CTNNA3: variants seen among roughly 807,000 people sequenced by gnomAD.
The protein encoded by CTNNA3 is catenin alpha 3, also known as catenin alpha-3.
In CTNNA3, 76 loss-of-function variants were observed where a neutral mutation model predicts 95.7. The observed-to-expected ratio is 0.79, with a 90% CI of 0.66 to 0.96. The LOEUF is 0.96. Ranked by LOEUF, CTNNA3 falls within the 40% of genes least tolerant of loss-of-function variation. The probability of loss-of-function intolerance (pLI) is 0.00; values close to 1 mark genes in which losing one functional copy is unlikely to be tolerated. For synonymous variants in CTNNA3, 431 were observed against 374.4 expected, an observed-to-expected ratio of 1.15 and a Z score of -1.74; for missense variants, 1,191 against 1,089.8, an observed-to-expected ratio of 1.09 and a Z score of -1.31.
At chr10:67,537,464 T>C (rs1840521782) in intron 4 of CTNNA3, among the ~76,000 whole-genome samples, 1 of 152,200 alleles carries the variant, frequency 6.6e-6, no homozygotes, top group Non-Finnish European at 1.5e-5. Flanking sequence ...ACTATAATTT[T>C]TACTGCAAGA....
intron 1 of CTNNA3, among the ~76,000 whole-genome samples, chr10:67,724,355 A>G (rs1364630734): frequency 6.6e-6 from 1 of 152,164 alleles, no homozygotes; most frequent in Admixed American, 6.5e-5. Flanking sequence ...ATCTCTCTAG[A>G]GTGGATTAGA....
At chr10:66,337,576 A>T (rs2092410784) in intron 12 of CTNNA3, among the ~76,000 whole-genome samples, 1 of 151,860 alleles carries the variant, frequency 6.6e-6, no homozygotes, top group Non-Finnish European at 1.5e-5. Context: ...TTCAAACTTC[A>T]GATTCTTAAT....
intron 14 of CTNNA3, among the ~76,000 whole-genome samples, chr10:66,081,139 T>C (rs751624498): frequency 6.6e-6 from 1 of 152,146 alleles, no homozygotes; most frequent in Non-Finnish European, 1.5e-5. Context: ...GAACCTGAGA[T>C]CTAGGGCAAT....
chr10:67,090,886 G>A (rs1296058415), intron 7 of CTNNA3, among the ~76,000 whole-genome samples: 1 of 152,016 alleles, frequency 6.6e-6, no homozygotes, highest in Non-Finnish European at 1.5e-5. Context: ...CCAAGCTGCA[G>A]TGTGATAATT....
chr10:66,926,842 A>C, intron 7 of CTNNA3: 3 of 1,266,630 alleles, frequency 2.4e-6, no homozygotes, highest in Non-Finnish European at 3.2e-6. Flanking sequence ...AAAAATGAAA[A>C]ATATATGCCT....
chr10:67,100,305 C>T (rs57324361), intron 7 of CTNNA3, among the ~76,000 whole-genome samples: 176 of 151,726 alleles, frequency 1.2e-3, no homozygotes, highest in African/African-American at 3.9e-3. Context: ...ACACCAAATA[C>T]GCCAGGAATT....
rs182813097 is a variant in CTNNA3, at chr10:67,675,383, C to G, written c.-6+20617G>C. On this transcript the variant is annotated intron_variant, in intron 1 of 17. Coordinates refer to ENST00000433211, the MANE Select transcript of CTNNA3 (RefSeq NM_013266.4). ...AAAGATTGGCTAATTCAGAATGGAC[C>G]TGGCTTAGCTTGCCCCAGGCTATAG... Among the ~76,000 whole-genome samples, 272 of 152,238 alleles carry G rather than the reference C, an allele frequency of 1.8e-3. 1 individual carries two copies. The highest frequency in any genetic ancestry group is 6.3e-3 in the African/African-American group (260 of 41,562).
At chr10:67,179,827 T>A (rs1862424276) in intron 7 of CTNNA3, among the ~76,000 whole-genome samples, 1 of 151,998 alleles carries the variant, frequency 6.6e-6, no homozygotes, top group African/African-American at 2.4e-5. Flanking sequence ...ACCCTGTCTA[T>A]CTCCATAAAA....
At chr10:67,722,634 A>G (rs1038172558) in intron 1 of CTNNA3, among the ~76,000 whole-genome samples, 2 of 152,174 alleles carry the variant, frequency 1.3e-5, no homozygotes, top group African/African-American at 4.8e-5. Flanking sequence ...ATAATTATGT[A>G]TCAGAAGCAC....
intron 13 of CTNNA3, among the ~76,000 whole-genome samples, chr10:66,110,265 G>A (rs2082071317): frequency 6.6e-6 from 1 of 151,622 alleles, no homozygotes; most frequent in African/African-American, 2.4e-5. Flanking sequence ...GGGAGGCTGA[G>A]GCAAGGGAAT....
intron 5 of CTNNA3, among the ~76,000 whole-genome samples, chr10:67,299,122 C>T (rs189116427): frequency 5.3e-4 from 81 of 152,184 alleles, no homozygotes; most frequent in African/African-American, 1.8e-3. Context: ...TGGTCTCGAT[C>T]TCTTGACCTC....
chr10:66,260,542 G>T (rs2090959187), intron 13 of CTNNA3, among the ~76,000 whole-genome samples: 2 of 151,776 alleles, frequency 1.3e-5, no homozygotes, highest in Admixed American at 1.3e-4. Flanking sequence ...TTTGTCAGTT[G>T]ATTTTTCAGT....
At chr10:67,010,548 G>C (rs1292344236) in intron 7 of CTNNA3, among the ~76,000 whole-genome samples, 4 of 152,160 alleles carry the variant, frequency 2.6e-5, no homozygotes, top group Non-Finnish European at 4.4e-5. Flanking sequence ...GCAAGAAGAA[G>C]AGTGGGGGGA....
intron 17 of CTNNA3, among the ~76,000 whole-genome samples, chr10:65,921,280 A>G (rs2077082435): frequency 6.6e-6 from 1 of 152,212 alleles, no homozygotes; most frequent in South Asian, 2.1e-4. Context: ...TCGTCCATGT[A>G]AGTAGTTTGT....
chr10:67,527,352 T>C (rs1296498399), intron 4 of CTNNA3, among the ~76,000 whole-genome samples: 2 of 152,172 alleles, frequency 1.3e-5, no homozygotes, highest in East Asian at 3.9e-4. Context: ...TTGAGAAGGG[T>C]CAAGATGATG....
chr10:66,570,477 C>T (rs773449260), intron 10 of CTNNA3, among the ~76,000 whole-genome samples: 30 of 151,822 alleles, frequency 2.0e-4, no homozygotes, highest in African/African-American at 4.8e-5. Flanking sequence ...TTAGTAGAGT[C>T]GGGGTTTCAT....
intron 9 of CTNNA3, among the ~76,000 whole-genome samples, chr10:66,721,237 G>A (rs1848619319): frequency 1.3e-5 from 2 of 152,124 alleles, no homozygotes; most frequent in South Asian, 4.1e-4. Flanking sequence ...ACTTGGTTAT[G>A]GGCAAGACAG....
At chr10:66,114,975 T>C (rs1042632554) in intron 13 of CTNNA3, among the ~76,000 whole-genome samples, 15 of 152,186 alleles carry the variant, frequency 9.9e-5, no homozygotes, top group Admixed American at 9.8e-4. Flanking sequence ...TGACTTTTCC[T>C]CTTTTAGTTG....
chr10:66,897,906 G>A (rs1393565814), intron 7 of CTNNA3, among the ~76,000 whole-genome samples: 1 of 152,096 alleles, frequency 6.6e-6, no homozygotes, highest in Non-Finnish European at 1.5e-5. Flanking sequence ...CCTGGACTGT[G>A]GATACAAAAG....
Sources: gnomAD v4.1 joint callset for allele counts (sites outside exome capture counted in the v4.1 genomes callset) on GRCh38, gnomAD v4.1.1 for gene constraint, MANE v1.5 for transcripts, NCBI Gene and HGNC (gene_info 2026-07-23, HGNC 2026-07-21) for gene names.